SLC22A9: variants seen among roughly 807,000 people sequenced by gnomAD.
SLC22A9 encodes the protein organic anion transporter 7.
Under a neutral mutation model 50.1 loss-of-function variants are expected in SLC22A9, and 64 were observed. The observed-to-expected ratio is 1.28, with a 90% CI of 1.04 to 1.57. SLC22A9 has a LOEUF of 1.57. Among genes scored for constraint, SLC22A9 ranks in the 40% most tolerant of loss-of-function variants. SLC22A9 has a pLI of 0.00. For synonymous variants in SLC22A9, 261 were observed against 242.5 expected, an observed-to-expected ratio of 1.08 and a Z score of -0.71; for missense variants, 757 against 676.1, an observed-to-expected ratio of 1.12 and a Z score of -1.33.
chr11:63,402,386 C>T (rs1427644673), intron 6 of SLC22A9, among the ~76,000 whole-genome samples: 6 of 151,990 alleles, frequency 3.9e-5, no homozygotes, highest in Non-Finnish European at 7.4e-5. Flanking sequence ...CCATTGCTTG[C>T]TTTTGTCAGC....
At chr11:63,403,578 T>C (rs2014986058) in intron 6 of SLC22A9, among the ~76,000 whole-genome samples, 1 of 152,062 alleles carries the variant, frequency 6.6e-6, no homozygotes, top group African/African-American at 2.4e-5. Flanking sequence ...ATTAATATTA[T>C]ACTCAACAAT....
At chr11:63,382,102 A>G (rs999127821) in intron 5 of SLC22A9, 57 bp from the exon 6 acceptor site, 1 of 1,360,390 alleles carries the variant, frequency 7.4e-7, no homozygotes, top group Admixed American at 2.0e-5. Context: ...CAGTGCGCCT[A>G]CAGTGCCTAC....
chr11:63,370,266 T>C lies in SLC22A9; in HGVS notation c.210T>C (p.Asp70=). 1.9e-6 allele frequency: 3 copies of C among 1,614,060 alleles called. No homozygotes were observed. The highest frequency in any genetic ancestry group is 1.7e-6 in the Non-Finnish European group (2 of 1,179,924). The change falls in exon 1 of 10, where the codon GAT becomes GAC. Residue 70 remains aspartate (D), a synonymous_variant. Transcript: ENST00000279178. The part of the protein sequence containing the change: ...SDNDTGALSQ[D]ALLRISIPLD... ...ATGACACTGGGGCCCTCAGCCAAGA[T>C]GCACTCTTGAGAATCTCCATCCCAC... is the stretch of plus-strand genomic sequence containing the variant.
At chr11:63,399,114 T>C (rs1227701885) in intron 6 of SLC22A9, among the ~76,000 whole-genome samples, 3 of 152,014 alleles carry the variant, frequency 2.0e-5, no homozygotes, top group African/African-American at 7.2e-5. Flanking sequence ...AAAGTCCTTA[T>C]ACACAAAAAA....
At chr11:63,409,278 G>T (rs1305952815) in intron 9 of SLC22A9, among the ~76,000 whole-genome samples, 3 of 152,140 alleles carry the variant, frequency 2.0e-5, no homozygotes, top group African/African-American at 4.8e-5. Flanking sequence ...GTCTGAGATT[G>T]CCAGTGCTTA....
intron 2 of SLC22A9, among the ~76,000 whole-genome samples, chr11:63,371,678 C>G (rs2014362233): frequency 6.6e-6 from 1 of 152,170 alleles, no homozygotes; most frequent in Non-Finnish European, 1.5e-5. Context: ...ACGCATTCCT[C>G]TAAAACCTGT....
chr11:63,403,679 CAA>C (rs1481045177), intron 6 of SLC22A9, among the ~76,000 whole-genome samples: 2 of 151,716 alleles, frequency 1.3e-5, no homozygotes, highest in African/African-American at 4.8e-5. Flanking sequence ...GAAATTCTAA[CAA>C]GAGCAATTAG....
intron 6 of SLC22A9, among the ~76,000 whole-genome samples, chr11:63,391,670 TC>T (rs1384565405): frequency 6.6e-6 from 1 of 152,030 alleles, no homozygotes; most frequent in African/African-American, 2.4e-5. Context: ...ATCATTTCCA[TC>T]CCTTTATTTT....
intron 6 of SLC22A9, among the ~76,000 whole-genome samples, chr11:63,402,523 T>C (rs1215457810): frequency 1.3e-5 from 2 of 152,010 alleles, no homozygotes; most frequent in African/African-American, 4.8e-5. Context: ...GTAGCCTTGT[T>C]GTGTAGTTTG....
chr11:63,376,670 G>A (rs1449120754), intron 5 of SLC22A9, among the ~76,000 whole-genome samples: 1 of 151,700 alleles, frequency 6.6e-6, no homozygotes, highest in East Asian at 1.9e-4. Context: ...AAAAAGGAGA[G>A]GATTAAGAGC....
At chr11:63,389,699 T>A (rs1018222355) in intron 6 of SLC22A9, among the ~76,000 whole-genome samples, 14 of 152,198 alleles carry the variant, frequency 9.2e-5, no homozygotes, top group Non-Finnish European at 1.9e-4. Context: ...ACATACCCAG[T>A]AATGGGATTG....
At chr11:63,376,198 A>G (rs545009768) in intron 5 of SLC22A9, among the ~76,000 whole-genome samples, 1 of 152,222 alleles carries the variant, frequency 6.6e-6, no homozygotes, top group East Asian at 1.9e-4. Context: ...TCAATCATAC[A>G]TTCTTCCATT....
chr11:63,393,765 A>T (rs1302710293), intron 6 of SLC22A9, among the ~76,000 whole-genome samples: 2 of 151,914 alleles, frequency 1.3e-5, no homozygotes, highest in African/African-American at 2.4e-5. Context: ...GAATATGATG[A>T]TTATGTGTCT....
chr11:63,392,808 A>C (rs116308478), intron 6 of SLC22A9, among the ~76,000 whole-genome samples: 1 of 152,130 alleles, frequency 6.6e-6, no homozygotes, highest in South Asian at 2.1e-4. Context: ...ACACAAAACC[A>C]AATGTTGATA....
chr11:63,403,910 C>A (rs1300273008), intron 6 of SLC22A9, among the ~76,000 whole-genome samples: 3 of 151,768 alleles, frequency 2.0e-5, no homozygotes, highest in Non-Finnish European at 4.4e-5. Flanking sequence ...TGTTGGTGGC[C>A]ATATAAAATG....
intron 1 of SLC22A9, 104 bp from the exon 2 acceptor site, chr11:63,371,031 T>G: frequency 1.3e-6 from 1 of 764,276 alleles, no homozygotes; most frequent in Non-Finnish European, 2.1e-6. Flanking sequence ...ACAGAGGAAG[T>G]TAGAGACTTA....
chr11:63,388,848 C>T lies in SLC22A9; in HGVS notation c.1073+6571C>T, dbSNP rs144032493. Among the ~76,000 whole-genome samples, 926 of 152,086 alleles carry T rather than the reference C, an allele frequency of 6.1e-3. 16 individuals carry two copies. Among genetic ancestry groups the T allele is most frequent in the African/African-American group, 0.022 (895 of 41,508 alleles). On this transcript the variant is annotated intron_variant, in intron 6 of 9. Transcript: ENST00000279178. ...AGACCTTTTATTATAGCTTTGATCC[C>T]ATTATTTTTTATTACTCTGTTCAGG... is the stretch of plus-strand genomic sequence containing the variant.
At position 63,404,728 on chromosome 11, in the gene SLC22A9, C is replaced by G. The variant is rs1048713105; in HGVS notation, c.1074-1769C>G. On this transcript the variant is annotated intron_variant, in intron 6 of 9. Transcript: ENST00000279178. ...ACCCTTGACCAGGGGAACCTTCACA[C>G]AGGAAGCTTGTTTATACTGGCAGAT... 7.2e-5 allele frequency among the ~76,000 whole-genome samples: 11 copies of G among 152,286 alleles called. No homozygotes were observed. The East Asian group carries it at 2.1e-3, about 29-fold the overall frequency.
chr11:63,396,201 T>C (rs761620137), intron 6 of SLC22A9, among the ~76,000 whole-genome samples: 8 of 152,172 alleles, frequency 5.3e-5, no homozygotes, highest in Non-Finnish European at 1.2e-4. Context: ...ATTCGCACTC[T>C]CTCCCAAGTT....
Sources: allele counts gnomAD v4.1 joint callset (sites outside exome capture counted in the v4.1 genomes callset), GRCh38; gene constraint gnomAD v4.1.1; transcripts MANE v1.5; gene names NCBI Gene and HGNC (gene_info 2026-07-23, HGNC 2026-07-21).